Variants in ZNF177 observed in about 807,000 individuals in gnomAD.
The protein encoded by ZNF177 is zinc finger protein 177.
ZNF177 carries 17 observed loss-of-function variants against 19.4 expected under a neutral mutation model. The observed-to-expected ratio is 0.87, with a 90% CI of 0.60 to 1.31. ZNF177 has a LOEUF of 1.31. Ranked by LOEUF, ZNF177 falls within the 40% of genes most tolerant of loss-of-function variation. The pLI is 0.00. For missense variants in ZNF177, 633 were observed against 561.8 expected (o/e 1.13, Z -1.28); for synonymous variants, 220 against 188.7 (o/e 1.17, Z -1.36).
chr19:9,369,472 A>T (rs992655793), intron 2 of ZNF177, among the ~76,000 whole-genome samples: 5 of 151,848 alleles, frequency 3.3e-5, no homozygotes, highest in African/African-American at 1.2e-4. Context: ...TTGAGACTCA[A>T]TTTTTATGTG....
At chr19:9,377,399 A>G (rs1599392353) in intron 1 of ZNF177, among the ~76,000 whole-genome samples, 2 of 152,300 alleles carry the variant, frequency 1.3e-5, no homozygotes, top group South Asian at 4.1e-4. Context: ...CTCAAAAACA[A>G]GCCTCAAGCA....
intron 2 of ZNF177, among the ~76,000 whole-genome samples, chr19:9,365,979 G>A (rs577208687): frequency 1.3e-5 from 2 of 152,178 alleles, no homozygotes; most frequent in African/African-American, 2.4e-5. Flanking sequence ...ATCTCCCAAG[G>A]GAGGTCCCCA....
At chr19:9,368,004 C>T (rs2068002249) in intron 2 of ZNF177, among the ~76,000 whole-genome samples, 1 of 152,200 alleles carries the variant, frequency 6.6e-6, no homozygotes, top group Non-Finnish European at 1.5e-5. Flanking sequence ...TATGCCTAAT[C>T]TCTGGAATAT....
chr19:9,379,339 A>G (rs542933436), intron 3 of ZNF177, among the ~76,000 whole-genome samples, 188 bp from the exon 6 acceptor site: 2 of 152,258 alleles, frequency 1.3e-5, no homozygotes, highest in African/African-American at 4.8e-5. Flanking sequence ...TCACTTCCAT[A>G]TAGGGCGTGG....
At chr19:9,365,977 A>G (rs950387297) in intron 2 of ZNF177, among the ~76,000 whole-genome samples, 1 of 152,104 alleles carries the variant, frequency 6.6e-6, no homozygotes, top group Non-Finnish European at 1.5e-5. Context: ...TGATCTCCCA[A>G]GGGAGGTCCC....
chr19:9,376,777 T>A (rs2068115337), intron 1 of ZNF177, among the ~76,000 whole-genome samples: 1 of 152,200 alleles, frequency 6.6e-6, no homozygotes, highest in Admixed American at 6.5e-5. Flanking sequence ...TTTTATCTTT[T>A]AATCTTTTAC....
intron 3 of ZNF177, 129 bp from the exon 6 acceptor site, chr19:9,379,398 T>C (rs531711070): frequency 6.1e-6 from 8 of 1,304,172 alleles, no homozygotes; most frequent in Middle Eastern, 3.8e-4. Context: ...TCTGATTGTT[T>C]TGTTGTTCCT....
chr19:9,369,540 A>G (rs1321483939), intron 2 of ZNF177, among the ~76,000 whole-genome samples: 1 of 152,138 alleles, frequency 6.6e-6, no homozygotes, highest in Non-Finnish European at 1.5e-5. Context: ...ATCTTAATCT[A>G]CCAGGACAGT....
upstream of ZNF177, among the ~76,000 whole-genome samples, chr19:9,374,877 TA>T (rs1286204330): frequency 6.6e-6 from 1 of 152,154 alleles, no homozygotes; most frequent in African/African-American, 2.4e-5. Flanking sequence ...ACTTCAGTTG[TA>T]TGTTGAATAG....
exon 6 of ZNF177, chr19:9,381,328 A>G (rs1324997156): frequency 1.2e-6 from 2 of 1,614,128 alleles, no homozygotes; most frequent in Non-Finnish European, 8.5e-7. Context: ...GCACAAAAGA[A>G]CTCACACTGG....
rs1172291310 is a variant in ZNF177 at position 9,380,463 on chromosome 19, G to T, written c.337-205G>T. 10 of 1,000,694 alleles carry T rather than the reference G, an allele frequency of 1.0e-5. No homozygotes were observed. The South Asian group carries it at 1.0e-4, about 10-fold the overall frequency. 62.0% of individuals were successfully genotyped at this position (1,000,694 alleles called of 1,614,324 possible). A position where few individuals can be genotyped will look rare whatever the true frequency, so the allele number is the denominator to read the frequency against. On this transcript the variant is annotated intron_variant, in intron 5 of 5. Coordinates refer to ENST00000589262, the Ensembl canonical transcript of ZNF177. ...ATTAAAGAAGCCCTTTGCTGGGAAG[G>T]AATAGAGCCTTGGACAGAGGAGTGA... is the stretch of plus-strand genomic sequence containing the variant.
rs377221336 is a variant in ZNF177 at position 9,364,122 on chromosome 19, C to G, written c.-391-740C>G. Among the ~76,000 whole-genome samples the G allele has an allele frequency of 8.5e-5, 13 of 152,274 alleles. No individual in the cohort carries two copies. In the South Asian group the frequency reaches 2.7e-3, roughly 32 times the overall value. ...TTTTCATTGCCCCAAAAGAGAATCC[C>G]ATACTCATCAGCAGTTACTCCCCCA... On this transcript the variant is annotated intron_variant, in intron 1 of 8. Coordinates refer to the ZNF177 transcript ENST00000343499.
Position 9,380,068 on chromosome 19 carries a change from C to CA in ZNF177, c.267dup (p.Leu90ThrfsTer2). 1 of 1,610,440 alleles carries CA rather than the reference C, an allele frequency of 6.2e-7. No individual in the cohort carries two copies. Among genetic ancestry groups the CA allele is most frequent in the Non-Finnish European group, 8.5e-7 (1 of 1,179,230 alleles). Reference sequence around the variant, plus strand: ...CTGTGCTATTTCAGACTGGGAAACTCAACTTAAACCAAAAGATACAATTGC... The same window carrying CA: ...CTGTGCTATTTCAGACTGGGAAACTCAAACTTAAACCAAAAGATACAATTGC... On this transcript the variant is annotated frameshift_variant, in exon 5 of 6. Coordinates refer to ENST00000589262, the Ensembl canonical transcript of ZNF177. LOFTEE classifies it high-confidence loss of function.
exon 6 of ZNF177, chr19:9,380,780 A>C: frequency 6.5e-7 from 1 of 1,536,142 alleles, no homozygotes; most frequent in Non-Finnish European, 8.7e-7. Context: ...TGCTATAAAT[A>C]TATAAAGTAT....
At chr19:9,380,880 A>G (rs1329467202) in exon 6 of ZNF177, 1 of 1,536,138 alleles carries the variant, frequency 6.5e-7, no homozygotes, top group African/African-American at 1.4e-5. Context: ...ATTGTAGAAA[A>G]GCTTTCAATC....
intron 5 of ZNF177, 27 bp from the exon 8 acceptor site, chr19:9,380,641 A>G: frequency 1.3e-6 from 2 of 1,536,030 alleles, no homozygotes; most frequent in Non-Finnish European, 1.7e-6. Flanking sequence ...AAAAGCCTCT[A>G]GTCACCACTT....
In ZNF177 at chr19:9,381,384, TC is replaced by T. The variant is rs757734796; in HGVS notation, c.1055del (p.Pro352LeufsTer8). The T allele has an allele frequency of 3.3e-5, 53 of 1,612,362 alleles. No homozygotes were observed. In the African/African-American group the frequency reaches 6.6e-4, roughly 20 times the overall value. ...AGGAATGTGGGAAGGCTTTCACTGT[TC>T]CTTCATCCCTTCAGAAACATGTGAG... On this transcript the variant is annotated frameshift_variant, in exon 6 of 6. Coordinates refer to ENST00000589262, the Ensembl canonical transcript of ZNF177. LOFTEE classifies it low-confidence loss of function (END_TRUNC).
chr19:9,371,535 A>T (rs1482372975), upstream of ZNF177: 2 of 152,162 alleles, frequency 1.3e-5, no homozygotes, highest in Non-Finnish European at 2.9e-5. Flanking sequence ...CATACTGAAG[A>T]CATTGTCCTG....
Position 9,379,113 on chromosome 19 carries a change from T to C in ZNF177, c.160+25T>C, listed in dbSNP as rs1003783838. On this transcript the variant is annotated intron_variant, in intron 3 of 5. Coordinates refer to ENST00000589262, the Ensembl canonical transcript of ZNF177. ...GGTAAGGCTGGCCTCATTTCTTCAT[T>C]TGTTTATGTAGCAAATAGTTCTTAA... 6 of 1,580,570 alleles carry C rather than the reference T, an allele frequency of 3.8e-6. No homozygotes were observed. In the African/African-American group the frequency reaches 8.1e-5, roughly 21 times the overall value.
Sources: allele counts gnomAD v4.1 joint callset (sites outside exome capture counted in the v4.1 genomes callset), GRCh38; gene constraint gnomAD v4.1.1; transcripts MANE v1.5; gene names NCBI Gene and HGNC (gene_info 2026-07-23, HGNC 2026-07-21).